The following ACER3 variants were observed in gnomAD, a reference collection of about 807,000 sequenced individuals.
ACER3 encodes alkaline ceramidase 3, also known as alkCDase 3.
ACER3 carries 16 observed loss-of-function variants against 48.9 expected under a neutral mutation model. That is an observed-to-expected ratio of 0.33 (90% CI 0.22 to 0.50). The LOEUF is 0.50. Ranked by LOEUF, ACER3 falls within the 20% of genes least tolerant of loss-of-function variation. The pLI is 0.98. For missense variants in ACER3, 227 were observed against 326.0 expected, an observed-to-expected ratio of 0.70 and a Z score of 2.34; for synonymous variants, 109 against 107.8, an observed-to-expected ratio of 1.01 and a Z score of -0.07.
At chr11:76,864,919 ATT>A (rs34901215) in intron 1 of ACER3, among the ~76,000 whole-genome samples, 294 of 115,916 alleles carry the variant, frequency 2.5e-3, no homozygotes, top group African/African-American at 4.2e-3. Context: ...TTTTAAATTA[ATT>A]TTTTTTTTTT....
At chr11:76,915,783 C>T (rs1946511418) in intron 1 of ACER3, among the ~76,000 whole-genome samples, 1 of 152,238 alleles carries the variant, frequency 6.6e-6, no homozygotes. Context: ...AAACTTGGAC[C>T]TTTTCACATG....
chr11:76,897,227 G>A (rs1945955796), intron 1 of ACER3, among the ~76,000 whole-genome samples: 2 of 152,174 alleles, frequency 1.3e-5, no homozygotes, highest in South Asian at 4.1e-4. Flanking sequence ...AAAGTGCTGG[G>A]ATTACAGGCA....
chr11:76,994,231 G>A (rs768219846), intron 6 of ACER3: 9 of 452,666 alleles, frequency 2.0e-5, no homozygotes, highest in South Asian at 7.8e-5. Context: ...TCCCAGGTTC[G>A]TTATTCTTAT....
At chr11:76,936,044 AAAG>A (rs1279082406) in intron 2 of ACER3, among the ~76,000 whole-genome samples, 1 of 152,218 alleles carries the variant, frequency 6.6e-6, no homozygotes, top group Non-Finnish European at 1.5e-5. Flanking sequence ...TGCTGCTGAT[AAAG>A]ACATACCCAA....
At chr11:76,990,688 T>G (rs1259223616) in intron 6 of ACER3, 114 bp downstream of exon 6, 4 of 693,818 alleles carry the variant, frequency 5.8e-6, no homozygotes, top group Non-Finnish European at 9.9e-6. Flanking sequence ...AAATGGTAGA[T>G]GTTCTAAGGA....
At chr11:76,880,029 ACT>A (rs1049774808) in intron 1 of ACER3, among the ~76,000 whole-genome samples, 3 of 151,898 alleles carry the variant, frequency 2.0e-5, no homozygotes, top group Admixed American at 6.6e-5. Context: ...TCTGGGGGTA[ACT>A]CTGTTCTTTC....
rs112234258 is a variant in ACER3 at position 76,865,511 on chromosome 11, ATT to A, written c.103+4445_103+4446del. Among the ~76,000 whole-genome samples, 7 of 142,212 alleles carry A rather than the reference ATT, an allele frequency of 4.9e-5. No homozygotes were observed. In the East Asian group the frequency reaches 6.1e-4, roughly 12 times the overall value. The allele number at this position is 142,212 out of a possible 152,430, so 93.3% of individuals were successfully genotyped here. ...TCTTTCTCTGAATTCCTCAGATTGCATTTTTTTTTTTTTTCCAGACGGAATCT... is the reference window on the plus strand; with the variant it reads ...TCTTTCTCTGAATTCCTCAGATTGCATTTTTTTTTTTTCCAGACGGAATCT... On this transcript the variant is annotated intron_variant, in intron 1 of 10. Transcript: ENST00000532485.
chr11:76,927,349 A>G (rs540866769), intron 2 of ACER3, among the ~76,000 whole-genome samples: 45 of 152,342 alleles, frequency 3.0e-4, no homozygotes, highest in African/African-American at 1.1e-3. Flanking sequence ...AGCCTAACGT[A>G]GTGAAATCAC....
At chr11:76,881,465 C>G (rs1434502022) in intron 1 of ACER3, among the ~76,000 whole-genome samples, 4 of 151,768 alleles carry the variant, frequency 2.6e-5, no homozygotes, top group African/African-American at 9.7e-5. Flanking sequence ...TTACTATTGC[C>G]TTTTTAGCCA....
chr11:76,902,360 C>T lies in ACER3; in HGVS notation c.104-24197C>T, dbSNP rs143447134. Among the ~76,000 whole-genome samples, 86 of 152,264 alleles carry T rather than the reference C, an allele frequency of 5.6e-4. No homozygotes were observed. In the Middle Eastern group the frequency reaches 0.014, roughly 24 times the overall value. Reference sequence around the variant, plus strand: ...TAGATAGGCCTTTCCTTTAGCAATCCTGGACCCACATAAAAGCTGCATTTC... The same window carrying T: ...TAGATAGGCCTTTCCTTTAGCAATCTTGGACCCACATAAAAGCTGCATTTC... On this transcript the variant is annotated intron_variant, in intron 1 of 10. Coordinates refer to ENST00000532485, the MANE Select transcript of ACER3 (RefSeq NM_018367.7).
intron 2 of ACER3, among the ~76,000 whole-genome samples, chr11:76,947,851 G>A (rs943091633): frequency 3.3e-5 from 5 of 152,136 alleles, no homozygotes; most frequent in Non-Finnish European, 5.9e-5. Flanking sequence ...AACTACATTT[G>A]GAATAAACAT....
At chr11:76,988,390 T>A (rs1948728909) in intron 5 of ACER3, among the ~76,000 whole-genome samples, 1 of 152,226 alleles carries the variant, frequency 6.6e-6, no homozygotes, top group South Asian at 2.1e-4. Context: ...GAAAGAAGTT[T>A]AATTGACTCA....
chr11:76,934,987 TCAAA>T (rs769101259), intron 2 of ACER3, among the ~76,000 whole-genome samples: 10 of 151,342 alleles, frequency 6.6e-5, no homozygotes, highest in Admixed American at 1.3e-4. Context: ...TTAAGTTGCC[TCAAA>T]CAAAGAAATG....
At chr11:76,870,911 A>G (rs1261991039) in intron 1 of ACER3, among the ~76,000 whole-genome samples, 1 of 152,238 alleles carries the variant, frequency 6.6e-6, no homozygotes, top group African/African-American at 2.4e-5. Context: ...TAGCCAGTAG[A>G]AATAATAATA....
At chr11:77,011,757 A>C (rs1453255188) in intron 7 of ACER3, among the ~76,000 whole-genome samples, 1 of 152,228 alleles carries the variant, frequency 6.6e-6, no homozygotes, top group Non-Finnish European at 1.5e-5. Context: ...CACCATATTT[A>C]AAAAATAAAG....
intron 5 of ACER3, 35 bp from the exon 6 acceptor site, chr11:76,990,504 C>T: frequency 1.4e-6 from 2 of 1,419,778 alleles, no homozygotes; most frequent in Non-Finnish European, 2.0e-6. Context: ...TCATAATGTA[C>T]TTCATTCACA....
chr11:76,958,183 CTTTTT>C (rs10555039), intron 2 of ACER3, among the ~76,000 whole-genome samples: 1 of 125,916 alleles, frequency 7.9e-6, no homozygotes, highest in African/African-American at 3.0e-5. Flanking sequence ...TTATTAGCAA[CTTTTT>C]TTTTTTTTTT....
intron 2 of ACER3, among the ~76,000 whole-genome samples, chr11:76,943,735 G>A (rs1292425972): frequency 9.8e-6 from 1 of 101,770 alleles, no homozygotes; most frequent in Non-Finnish European, 2.1e-5. Context: ...AGTGCGGTCA[G>A]TGATGTGTTG....
At chr11:76,974,825 A>C (rs1000433614) in intron 3 of ACER3, among the ~76,000 whole-genome samples, 1 of 152,138 alleles carries the variant, frequency 6.6e-6, no homozygotes, top group Admixed American at 6.5e-5. Context: ...TTAAAAAAAA[A>C]CTCACCTACA....
Sources: gnomAD v4.1 joint callset for allele counts (sites outside exome capture counted in the v4.1 genomes callset) on GRCh38, gnomAD v4.1.1 for gene constraint, MANE v1.5 for transcripts, NCBI Gene and HGNC (gene_info 2026-07-23, HGNC 2026-07-21) for gene names.